The following RNLS variants were observed in gnomAD, a reference collection of about 807,000 sequenced individuals.
RNLS encodes the protein renalase, FAD dependent amine oxidase.
A neutral mutation model predicts 39.8 loss-of-function variants in RNLS; 39 were observed. That is an observed-to-expected ratio of 0.98 (90% CI 0.76 to 1.28). The LOEUF (loss-of-function observed/expected upper bound fraction) is 1.28, where lower values mean the gene tolerates loss of function less well. Ranked by LOEUF, RNLS falls within the 50% of genes most tolerant of loss-of-function variation. The probability of loss-of-function intolerance (pLI) is 0.00; values close to 1 mark genes in which losing one functional copy is unlikely to be tolerated. For synonymous variants in RNLS, 147 were observed against 150.7 expected, an observed-to-expected ratio of 0.98 and a Z score of 0.18; for missense variants, 410 against 413.3, an observed-to-expected ratio of 0.99 and a Z score of 0.07.
chr10:88,225,109 G>T, the RNLS span, among the ~76,000 whole-genome samples: 1 of 152,186 alleles, frequency 6.6e-6, no homozygotes, highest in African/African-American at 2.4e-5. Flanking sequence ...TTCTCTCACA[G>T]TTGGAAAAAA....
chr10:88,397,625 T>A (rs1852641912), intron 4 of RNLS, among the ~76,000 whole-genome samples: 1 of 151,724 alleles, frequency 6.6e-6, no homozygotes, highest in Non-Finnish European at 1.5e-5. Context: ...ACTATTAGAA[T>A]ACAGATAAAC....
At chr10:88,251,037 T>C in the RNLS span, among the ~76,000 whole-genome samples, 4 of 152,240 alleles carry the variant, frequency 2.6e-5, no homozygotes, top group Admixed American at 2.6e-4. Flanking sequence ...TCTTTTGGGA[T>C]CAAAATATTT....
chr10:88,261,001 A>G, the RNLS span, among the ~76,000 whole-genome samples: 1 of 152,348 alleles, frequency 6.6e-6, no homozygotes, highest in Admixed American at 6.5e-5. Context: ...AAGTAGAATT[A>G]GGGGATGGAG....
chr10:88,351,385 C>A (rs1848695870), intron 5 of RNLS, among the ~76,000 whole-genome samples: 1 of 152,136 alleles, frequency 6.6e-6, no homozygotes, highest in African/African-American at 2.4e-5. Context: ...AGTCTTTAAT[C>A]CATCTTGAAT....
At chr10:88,299,554 G>GGT (rs1844355446) in intron 6 of RNLS, among the ~76,000 whole-genome samples, 1 of 152,206 alleles carries the variant, frequency 6.6e-6, no homozygotes, top group East Asian at 1.9e-4. Context: ...GACCCCGTGA[G>GGT]GTGGAGGTTG....
At chr10:88,495,691 T>C (rs1845132131) in intron 4 of RNLS, among the ~76,000 whole-genome samples, 1 of 151,732 alleles carries the variant, frequency 6.6e-6, no homozygotes, top group Non-Finnish European at 1.5e-5. Flanking sequence ...AGCATAAGAA[T>C]GAGTAAAGAA....
At chr10:88,444,848 G>C (rs1374356562) in intron 4 of RNLS, among the ~76,000 whole-genome samples, 1 of 152,192 alleles carries the variant, frequency 6.6e-6, no homozygotes, top group Admixed American at 6.5e-5. Context: ...CGTCTGATTG[G>C]TGTACCTGAA....
chr10:88,393,773 C>A (rs572628963), intron 4 of RNLS, among the ~76,000 whole-genome samples: 1 of 152,280 alleles, frequency 6.6e-6, no homozygotes, highest in South Asian at 2.1e-4. Context: ...GGAGGCATCA[C>A]GCTACCTGAC....
chr10:88,452,948 T>C (rs933708839), intron 4 of RNLS, among the ~76,000 whole-genome samples: 1 of 152,288 alleles, frequency 6.6e-6, no homozygotes, highest in East Asian at 1.9e-4. Flanking sequence ...CTCAAAACCA[T>C]GTCCAGATCA....
chr10:88,487,757 A>T (rs1056091385), intron 4 of RNLS, among the ~76,000 whole-genome samples: 7 of 151,870 alleles, frequency 4.6e-5, no homozygotes, highest in Non-Finnish European at 1.0e-4. Context: ...AAGAAAATAC[A>T]TGTTCATACA....
intron 4 of RNLS, among the ~76,000 whole-genome samples, chr10:88,363,473 A>AG (rs1006241868): frequency 1.3e-5 from 2 of 152,112 alleles, no homozygotes; most frequent in Non-Finnish European, 2.9e-5. Flanking sequence ...CTTCCATGTC[A>AG]TAGAGTGATT....
chr10:88,373,361 T>C (rs1054800169), intron 4 of RNLS, among the ~76,000 whole-genome samples: 1 of 152,148 alleles, frequency 6.6e-6, no homozygotes, highest in African/African-American at 2.4e-5. Context: ...CATTTTGTAC[T>C]TTGCAGATCC....
the RNLS span, among the ~76,000 whole-genome samples, chr10:88,176,073 C>T: frequency 9.3e-3 from 1,412 of 151,968 alleles, 24 homozygotes; most frequent in African/African-American, 0.03. Flanking sequence ...TATTCCATCC[C>T]TTCACTTTCA....
chr10:88,306,994 C>A (rs879647120), intron 6 of RNLS, among the ~76,000 whole-genome samples: 24 of 152,292 alleles, frequency 1.6e-4, no homozygotes, highest in Admixed American at 1.4e-3. Context: ...GGCTTTATCC[C>A]TGGGATACAA....
chr10:88,243,297 T>A, the RNLS span, among the ~76,000 whole-genome samples: 10 of 152,238 alleles, frequency 6.6e-5, no homozygotes, highest in Admixed American at 5.2e-4. Context: ...AAATCCCATT[T>A]TCCCTGAAGC....
chr10:88,352,941 G>T (rs1848841206), intron 5 of RNLS, among the ~76,000 whole-genome samples: 1 of 152,182 alleles, frequency 6.6e-6, no homozygotes, highest in Non-Finnish European at 1.5e-5. Flanking sequence ...AGGTGTATGT[G>T]TCCAGGAATT....
At chr10:88,323,779 A>G (rs1235054620) in intron 5 of RNLS, among the ~76,000 whole-genome samples, 2 of 152,052 alleles carry the variant, frequency 1.3e-5, no homozygotes, top group East Asian at 3.9e-4. Context: ...TAATTAACAG[A>G]GTAAATAGAC....
At chr10:88,251,088 G>A in the RNLS span, among the ~76,000 whole-genome samples, 1 of 152,198 alleles carries the variant, frequency 6.6e-6, no homozygotes. Flanking sequence ...TGCATATTCA[G>A]AGGGAATACA....
At chr10:88,486,305 A>C (rs945287355) in intron 4 of RNLS, among the ~76,000 whole-genome samples, 1 of 152,120 alleles carries the variant, frequency 6.6e-6, no homozygotes, top group Non-Finnish European at 1.5e-5. Flanking sequence ...TGGAAGTAGG[A>C]ACAGGCAAAG....
Sources: gnomAD v4.1 joint callset for allele counts (sites outside exome capture counted in the v4.1 genomes callset) on GRCh38, gnomAD v4.1.1 for gene constraint, MANE v1.5 for transcripts, NCBI Gene and HGNC (gene_info 2026-07-23, HGNC 2026-07-21) for gene names.